SYNPR: variants seen among roughly 807,000 people sequenced by gnomAD.
The protein encoded by SYNPR is synaptoporin.
Under a neutral mutation model 32.9 loss-of-function variants are expected in SYNPR, and 23 were observed. The ratio of observed to expected loss-of-function variants is 0.70; its 90% CI spans 0.50 to 0.99. The LOEUF is 0.99. Among genes scored for constraint, SYNPR ranks in the 50% least tolerant of loss-of-function variants. The pLI, the probability that SYNPR is intolerant of heterozygous loss-of-function variation, is 0.00. For missense variants in SYNPR, 318 were observed against 349.3 expected (o/e 0.91, Z 0.71); for synonymous variants, 146 against 135.9 (o/e 1.07, Z -0.52).
chr3:63,479,755 A>G (rs1701008772), intron 2 of SYNPR, among the ~76,000 whole-genome samples: 1 of 152,214 alleles, frequency 6.6e-6, no homozygotes, highest in Non-Finnish European at 1.5e-5. Flanking sequence ...AGAAGAGTTA[A>G]CATCAATGCT....
chr3:63,410,685 C>T (rs990047731), intron 2 of SYNPR, among the ~76,000 whole-genome samples: 1 of 152,176 alleles, frequency 6.6e-6, no homozygotes, highest in African/African-American at 2.4e-5. Flanking sequence ...CTTCCAGCCT[C>T]CTCTGCAGCT....
At chr3:63,520,273 A>AATTCTGGGAAT (rs1701880959) in intron 3 of SYNPR, among the ~76,000 whole-genome samples, 2 of 152,042 alleles carry the variant, frequency 1.3e-5, no homozygotes, top group Non-Finnish European at 2.9e-5. Flanking sequence ...ATTCTGGGAA[A>AATTCTGGGAAT]GGAATTCTGG....
chr3:63,357,772 C>T (rs528299707), intron 2 of SYNPR, among the ~76,000 whole-genome samples: 1 of 152,062 alleles, frequency 6.6e-6, no homozygotes, highest in Non-Finnish European at 1.5e-5. Context: ...TATTTGAGGC[C>T]CAGGGATCTG....
At chr3:63,489,416 G>T (rs1358026801) in intron 3 of SYNPR, among the ~76,000 whole-genome samples, 2 of 152,262 alleles carry the variant, frequency 1.3e-5, no homozygotes, top group East Asian at 3.9e-4. Flanking sequence ...ACATTAGAAA[G>T]CCATCATTGT....
chr3:63,596,798 G>C (rs543025489), intron 4 of SYNPR, among the ~76,000 whole-genome samples: 1 of 152,288 alleles, frequency 6.6e-6, no homozygotes, highest in African/African-American at 2.4e-5. Context: ...AACAGGAAAA[G>C]GGGCATCACT....
At chr3:63,557,260 G>A (rs1023179196) in intron 4 of SYNPR, among the ~76,000 whole-genome samples, 14 of 151,964 alleles carry the variant, frequency 9.2e-5, no homozygotes, top group Admixed American at 2.0e-4. Context: ...ACACCTAGGG[G>A]GACACAAAAC....
At chr3:63,538,438 G>T (rs985764283) in intron 3 of SYNPR, among the ~76,000 whole-genome samples, 1 of 150,532 alleles carries the variant, frequency 6.6e-6, no homozygotes, top group Non-Finnish European at 1.5e-5. Context: ...AGTCAGAACT[G>T]TTGGTCACAA....
chr3:63,368,014 T>A (rs2087748665), intron 2 of SYNPR, among the ~76,000 whole-genome samples: 2 of 152,174 alleles, frequency 1.3e-5, no homozygotes, highest in Admixed American at 1.3e-4. Flanking sequence ...TACAGCAATC[T>A]CAGTGTGATA....
intron 3 of SYNPR, among the ~76,000 whole-genome samples, chr3:63,544,152 A>C (rs1211602164): frequency 2.0e-5 from 3 of 152,022 alleles, no homozygotes; most frequent in African/African-American, 7.2e-5. Flanking sequence ...ATGAATTCTT[A>C]CATGTCATGT....
At chr3:63,546,253 T>C (rs1457621607) in intron 3 of SYNPR, among the ~76,000 whole-genome samples, 2 of 152,122 alleles carry the variant, frequency 1.3e-5, no homozygotes, top group Non-Finnish European at 2.9e-5. Context: ...CTGTAAGGGT[T>C]TCATAGGGTT....
intron 1 of SYNPR, among the ~76,000 whole-genome samples, chr3:63,250,282 C>T (rs1421885086): frequency 2.0e-5 from 3 of 151,832 alleles, no homozygotes; most frequent in Non-Finnish European, 4.4e-5. Context: ...CAGTCAGTAT[C>T]TCATGCATAT....
At chr3:63,308,328 T>C (rs1327306984) in intron 2 of SYNPR, among the ~76,000 whole-genome samples, 1 of 151,994 alleles carries the variant, frequency 6.6e-6, no homozygotes, top group South Asian at 2.1e-4. Context: ...GCAAATTTTA[T>C]TGACTTAGAC....
At chr3:63,579,138 A>G (rs1293554459) in intron 4 of SYNPR, among the ~76,000 whole-genome samples, 1 of 152,066 alleles carries the variant, frequency 6.6e-6, no homozygotes, top group African/African-American at 2.4e-5. Context: ...GGGGCAATAT[A>G]TGTATATTTG....
intron 2 of SYNPR, among the ~76,000 whole-genome samples, chr3:63,365,258 T>C (rs185642401): frequency 4.7e-4 from 72 of 152,298 alleles, no homozygotes; most frequent in African/African-American, 1.7e-3. Flanking sequence ...ACTTTGAAGG[T>C]TGTGTTCAAC....
At chr3:63,253,859 C>A (rs4422299) in intron 2 of SYNPR, among the ~76,000 whole-genome samples, 65,230 of 152,012 alleles carry the variant, frequency 0.43, 14,805 homozygotes, top group Non-Finnish European at 0.5. Flanking sequence ...TGTAAAGACA[C>A]ATGCATATGT....
intron 4 of SYNPR, among the ~76,000 whole-genome samples, chr3:63,573,945 G>C (rs927001561): frequency 1.3e-5 from 2 of 152,122 alleles, no homozygotes; most frequent in African/African-American, 4.8e-5. Flanking sequence ...GCCCACTGGT[G>C]GGTAAAAGCC....
At chr3:63,476,788 A>G (rs942968717) in intron 2 of SYNPR, among the ~76,000 whole-genome samples, 3 of 152,064 alleles carry the variant, frequency 2.0e-5, no homozygotes, top group Non-Finnish European at 2.9e-5. Context: ...TCCCCTCAAA[A>G]CGTGAAACAC....
At chr3:63,326,494 A>G (rs187912993) in intron 2 of SYNPR, among the ~76,000 whole-genome samples, 8 of 152,286 alleles carry the variant, frequency 5.3e-5, no homozygotes, top group African/African-American at 1.9e-4. Context: ...CTTCGTAACA[A>G]ATAGGATTAT....
At chr3:63,453,487 A>T (rs187668274) in intron 2 of SYNPR, among the ~76,000 whole-genome samples, 8 of 152,302 alleles carry the variant, frequency 5.3e-5, no homozygotes, top group African/African-American at 1.9e-4. Context: ...AGGGTGTCAT[A>T]ATGTCTTCAA....
Sources: gnomAD v4.1 joint callset for allele counts (sites outside exome capture counted in the v4.1 genomes callset) on GRCh38, gnomAD v4.1.1 for gene constraint, MANE v1.5 for transcripts, NCBI Gene and HGNC (gene_info 2026-07-23, HGNC 2026-07-21) for gene names.